Variants in WDR89 observed in about 807,000 individuals in gnomAD.
WDR89 encodes WD repeat-containing protein 89.
Under a neutral mutation model 29.1 loss-of-function variants are expected in WDR89, and 17 were observed. The observed-to-expected ratio is 0.58, with a 90% CI of 0.40 to 0.88. The LOEUF is 0.88. Ranked by LOEUF, WDR89 falls within the 40% of genes least tolerant of loss-of-function variation. The probability of loss-of-function intolerance (pLI) is 0.00; values close to 1 mark genes in which losing one functional copy is unlikely to be tolerated. For synonymous variants in WDR89, 138 were observed against 157.8 expected (o/e 0.87, Z 0.94); for missense variants, 396 against 456.3 (o/e 0.87, Z 1.20).
rs1304825846 is a variant in WDR89 at position 63,604,011 on chromosome 14, C to T, written c.-31-4038G>A. 2.0e-5 allele frequency among the ~76,000 whole-genome samples: 3 copies of T among 152,212 alleles called. No individual in the cohort carries two copies. The East Asian group carries it at 5.8e-4, about 29-fold the overall frequency. Reference sequence around the variant, plus strand: ...TGCATGTCTGCATGAGTGACTCCTTCCTGTTATTCAGGTCTCAGCATATGT... The same window carrying T: ...TGCATGTCTGCATGAGTGACTCCTTTCTGTTATTCAGGTCTCAGCATATGT... On this transcript the variant is annotated intron_variant, in intron 2 of 2. Coordinates refer to ENST00000620954, the MANE Select transcript of WDR89 (RefSeq NM_080666.4).
rs534659972 is a variant in WDR89, at chr14:63,602,792, T to C, written c.-31-2819A>G. 4.3e-3 allele frequency among the ~76,000 whole-genome samples: 657 copies of C among 151,460 alleles called. 5 individuals are homozygous for C. Among genetic ancestry groups the C allele is most frequent in the Non-Finnish European group, 6.6e-3 (448 of 67,882 alleles). On this transcript the variant is annotated intron_variant, in intron 2 of 2. Transcript: ENST00000620954. ...CATCTCAAAAAAAAAAAAAAAGATGTAATATAAAAATTACCAGTATCACCA... is the reference window on the plus strand; with the variant it reads ...CATCTCAAAAAAAAAAAAAAAGATGCAATATAAAAATTACCAGTATCACCA...
intron 1 of WDR89, among the ~76,000 whole-genome samples, chr14:63,636,695 G>GTA (rs1883759909): frequency 6.6e-6 from 1 of 152,142 alleles, no homozygotes; most frequent in African/African-American, 2.4e-5. Flanking sequence ...AATGGTGCTG[G>GTA]GATAATTGGC....
chr14:63,634,022 G>A (rs540930621), intron 1 of WDR89, among the ~76,000 whole-genome samples: 4 of 152,204 alleles, frequency 2.6e-5, no homozygotes, highest in South Asian at 4.1e-4. Flanking sequence ...TTAAAATTAC[G>A]AGAACTGTAA....
At chr14:63,622,768 AAATAAATAAG>A (rs1882785731) in intron 2 of WDR89, among the ~76,000 whole-genome samples, 1 of 152,192 alleles carries the variant, frequency 6.6e-6, no homozygotes, top group African/African-American at 2.4e-5. Context: ...CTCCATCTCT[AAATAAATAAG>A]TAAATAAATA....
intron 2 of WDR89, among the ~76,000 whole-genome samples, chr14:63,619,481 CAG>C (rs1474400907): frequency 2.0e-5 from 3 of 151,892 alleles, no homozygotes; most frequent in Non-Finnish European, 4.4e-5. Flanking sequence ...AGGCAAAAAA[CAG>C]AAAAAAACCC....
intron 2 of WDR89, among the ~76,000 whole-genome samples, chr14:63,614,997 G>A (rs966288665): frequency 9.2e-5 from 14 of 152,098 alleles, no homozygotes; most frequent in Admixed American, 3.3e-4. Context: ...AAAATTCTCA[G>A]GAAAAGCACA....
At chr14:63,611,878 C>T (rs543056500) in intron 2 of WDR89, among the ~76,000 whole-genome samples, 47 of 152,028 alleles carry the variant, frequency 3.1e-4, no homozygotes, top group African/African-American at 1.1e-3. Context: ...AGACGTGCAC[C>T]ACCACGTCAG....
intron 2 of WDR89, among the ~76,000 whole-genome samples, chr14:63,615,074 T>C (rs903751564): frequency 6.6e-6 from 1 of 152,208 alleles, no homozygotes; most frequent in Admixed American, 6.6e-5. Context: ...GACACATACT[T>C]TCTCATGCAG....
chr14:63,606,232 G>A (rs1455351501), intron 2 of WDR89, among the ~76,000 whole-genome samples: 1 of 152,142 alleles, frequency 6.6e-6, no homozygotes, highest in Admixed American at 6.5e-5. Flanking sequence ...ACAGGCATGA[G>A]CCACTGTCCC....
chr14:63,616,962 A>G (rs1367824686), intron 2 of WDR89, among the ~76,000 whole-genome samples: 1 of 151,884 alleles, frequency 6.6e-6, no homozygotes, highest in Non-Finnish European at 1.5e-5. Flanking sequence ...AAGTGGTGTG[A>G]GAGAAGGGCA....
rs199558418 is a variant in WDR89 at position 63,599,175 on chromosome 14, T to C, written c.768A>G (p.Thr256=). 6 of 1,611,378 alleles carry C rather than the reference T, an allele frequency of 3.7e-6. No individual in the cohort carries two copies. Among genetic ancestry groups the C allele is most frequent in the Middle Eastern group, 1.7e-4 (1 of 6,054 alleles). ...CTCTGACATCCTGGATGTTCAAACG[T>C]GTAACTGGTTCATCAGTGTCCAGAT... The part of the protein sequence containing the change: ...LNHLDTDEPV[T]RLNIQDVREV... Residue 256 remains threonine (T), a synonymous_variant, in exon 3 of 3, where the codon ACA becomes ACG. Coordinates refer to ENST00000620954, the MANE Select transcript of WDR89 (RefSeq NM_080666.4).
At chr14:63,627,516 C>G (rs1883148637) in intron 1 of WDR89, among the ~76,000 whole-genome samples, 1 of 151,996 alleles carries the variant, frequency 6.6e-6, no homozygotes, top group South Asian at 2.1e-4. Flanking sequence ...GTAATGAATC[C>G]ATCATTATAT....
In WDR89 at chr14:63,636,075, A is replaced by G. The variant is rs756101634; in HGVS notation, c.-138+5729T>C. Among the ~76,000 whole-genome samples, 4 of 152,026 alleles carry G rather than the reference A, an allele frequency of 2.6e-5. No homozygotes were observed. The East Asian group carries it at 7.7e-4, about 29-fold the overall frequency. Reference sequence around the variant, plus strand: ...TACAAAAAAATCAGTCAGGCGTGGTAGTGCACACCTGTAGTCCCAGCTACT... The same window carrying G: ...TACAAAAAAATCAGTCAGGCGTGGTGGTGCACACCTGTAGTCCCAGCTACT... On this transcript the variant is annotated intron_variant, in intron 1 of 2. Coordinates refer to ENST00000620954, the MANE Select transcript of WDR89 (RefSeq NM_080666.4).
chr14:63,600,008 ATGCTT>A, intron 2 of WDR89, 35 bp from the exon 3 acceptor site: 1 of 1,235,430 alleles, frequency 8.1e-7, no homozygotes, highest in Non-Finnish European at 1.1e-6. Flanking sequence ...ATAAAAATTA[ATGCTT>A]AACAAGGGAG....
intron 1 of WDR89, among the ~76,000 whole-genome samples, chr14:63,626,125 C>T (rs368577963): frequency 1.6e-4 from 24 of 151,926 alleles, no homozygotes; most frequent in Admixed American, 2.6e-4. Context: ...GTGCTAGGAT[C>T]ACAGGTGTGA....
intron 2 of WDR89, among the ~76,000 whole-genome samples, chr14:63,618,312 G>A (rs952419370): frequency 3.9e-5 from 6 of 152,096 alleles, no homozygotes; most frequent in African/African-American, 1.4e-4. Context: ...GTGCCACCAT[G>A]CCTGGCTAAT....
intron 1 of WDR89, among the ~76,000 whole-genome samples, chr14:63,637,967 A>G (rs1308768076): frequency 6.6e-6 from 1 of 152,000 alleles, no homozygotes; most frequent in Admixed American, 6.6e-5. Context: ...TTTTTTTTCA[A>G]AACAGCCTCG....
At chr14:63,633,384 TTAA>T (rs1027104744) in intron 1 of WDR89, among the ~76,000 whole-genome samples, 1 of 152,098 alleles carries the variant, frequency 6.6e-6, no homozygotes, top group African/African-American at 2.4e-5. Context: ...ATTTCCACTG[TTAA>T]TTGGTAGATG....
chr14:63,639,464 C>G (rs1049037407), intron 1 of WDR89, among the ~76,000 whole-genome samples: 2 of 135,618 alleles, frequency 1.5e-5, no homozygotes, highest in Admixed American at 7.3e-5. Context: ...AAGAAAGAAA[C>G]AAAGGCAGAA....
Sources: gnomAD v4.1 joint callset for allele counts (sites outside exome capture counted in the v4.1 genomes callset) on GRCh38, gnomAD v4.1.1 for gene constraint, MANE v1.5 for transcripts, NCBI Gene and HGNC (gene_info 2026-07-23, HGNC 2026-07-21) for gene names.